The following GLIS3 variants were observed in gnomAD, a reference collection of about 807,000 sequenced individuals.
GLIS3 encodes the protein zinc finger protein GLIS3.
In GLIS3, 53 loss-of-function variants were observed where a neutral mutation model predicts 78.6. The ratio of observed to expected loss-of-function variants is 0.67; its 90% CI spans 0.54 to 0.85. The LOEUF (loss-of-function observed/expected upper bound fraction) is 0.85. Ranked by LOEUF, GLIS3 falls within the 40% of genes least tolerant of loss-of-function variation. The probability of loss-of-function intolerance (pLI) is 0.00; values close to 1 mark genes in which losing one functional copy is unlikely to be tolerated. For missense variants in GLIS3, 1,703 were observed against 1,231.1 expected (o/e 1.38, Z -5.74); for synonymous variants, 684 against 509.9 (o/e 1.34, Z -4.60).
In GLIS3 at chr9:4,186,075, G is replaced by A. The variant is rs533096057; in HGVS notation, c.389-60134C>T. On this transcript the variant is annotated intron_variant, in intron 2 of 10. Coordinates refer to ENST00000381971, the MANE Select transcript of GLIS3 (RefSeq NM_001042413.2). Reference sequence around the variant, plus strand: ...GCAGGTTAGTTACATATGTATACATGTGCCATGCTGGTGTGCTGCACACAT... The same window carrying A: ...GCAGGTTAGTTACATATGTATACATATGCCATGCTGGTGTGCTGCACACAT... Among the ~76,000 whole-genome samples, 6 of 151,802 alleles carry A rather than the reference G, an allele frequency of 4.0e-5. No homozygotes were observed. The South Asian group carries it at 8.4e-4, about 21-fold the overall frequency.
At chr9:4,314,576 G>A (rs982449625) in intron 2 of GLIS3, among the ~76,000 whole-genome samples, 1 of 152,242 alleles carries the variant, frequency 6.6e-6, no homozygotes, top group East Asian at 1.9e-4. Context: ...CACAGTGCAG[G>A]GTAAACCTCT....
chr9:4,446,300 A>G, the GLIS3 span, among the ~76,000 whole-genome samples: 3 of 152,154 alleles, frequency 2.0e-5, no homozygotes, highest in African/African-American at 7.2e-5. Context: ...GACTGCTTCC[A>G]TTATGTGAGG....
intron 8 of GLIS3, among the ~76,000 whole-genome samples, chr9:3,860,603 G>A (rs865783691): frequency 2.6e-5 from 4 of 152,134 alleles, no homozygotes; most frequent in Non-Finnish European, 2.9e-5. Flanking sequence ...AGTGGGAATG[G>A]CAGGAGAAGC....
At chr9:4,040,980 A>T (rs562082255) in intron 4 of GLIS3, among the ~76,000 whole-genome samples, 4 of 152,206 alleles carry the variant, frequency 2.6e-5, no homozygotes, top group Non-Finnish European at 4.4e-5. Flanking sequence ...CTTTCTCAAC[A>T]TTCTAATCCT....
chr9:4,393,679 T>G, the GLIS3 span, among the ~76,000 whole-genome samples: 4 of 152,328 alleles, frequency 2.6e-5, no homozygotes, highest in African/African-American at 9.6e-5. Flanking sequence ...TGGCTGATGT[T>G]TCCTTGTGAT....
intron 2 of GLIS3, among the ~76,000 whole-genome samples, chr9:4,338,994 C>G (rs1276366439): frequency 2.6e-5 from 4 of 152,170 alleles, no homozygotes; most frequent in African/African-American, 4.8e-5. Context: ...CAGGCTTACC[C>G]TTAAAACTAT....
intron 2 of GLIS3, among the ~76,000 whole-genome samples, chr9:4,318,244 G>A (rs561592594): frequency 1.3e-5 from 2 of 152,236 alleles, no homozygotes; most frequent in South Asian, 2.1e-4. Flanking sequence ...ATGGGAATTC[G>A]AGGGGCCAGG....
At chr9:4,280,576 A>C (rs1273085320) in intron 2 of GLIS3, among the ~76,000 whole-genome samples, 2 of 152,210 alleles carry the variant, frequency 1.3e-5, no homozygotes, top group Admixed American at 6.5e-5. Flanking sequence ...ACTTTAAAAA[A>C]TGATAAATTC....
At chr9:4,104,914 A>G (rs1209799701) in intron 4 of GLIS3, among the ~76,000 whole-genome samples, 1 of 152,222 alleles carries the variant, frequency 6.6e-6, no homozygotes, top group Non-Finnish European at 1.5e-5. Flanking sequence ...TGCTTAATAA[A>G]TAGTCAAATG....
At chr9:4,348,217 ATATT>A (rs1368337969) in intron 1 of GLIS3, 2 of 152,234 alleles carry the variant, frequency 1.3e-5, no homozygotes, top group African/African-American at 4.8e-5. Flanking sequence ...AAGCTGAAAT[ATATT>A]TCTTTCTTAC....
chr9:4,066,040 A>AC (rs71497515), intron 4 of GLIS3, among the ~76,000 whole-genome samples: 2 of 64,626 alleles, frequency 3.1e-5, no homozygotes, highest in African/African-American at 1.1e-4. Context: ...CAAAGAATAT[A>AC]AAAAAAAAAA....
chr9:4,225,398 G>A (rs1422072937), intron 2 of GLIS3, among the ~76,000 whole-genome samples: 1 of 152,164 alleles, frequency 6.6e-6, no homozygotes, highest in East Asian at 1.9e-4. Context: ...CAAGACACTG[G>A]AAAATTTTTT....
At chr9:3,844,249 T>A (rs924091472) in intron 9 of GLIS3, among the ~76,000 whole-genome samples, 4 of 152,230 alleles carry the variant, frequency 2.6e-5, no homozygotes, top group African/African-American at 9.6e-5. Context: ...GGAAGCTCCA[T>A]CTATAGCTGT....
chr9:4,461,862 A>G, the GLIS3 span, among the ~76,000 whole-genome samples: 1 of 152,216 alleles, frequency 6.6e-6, no homozygotes, highest in East Asian at 1.9e-4. Context: ...GTTGTCGTCA[A>G]GCTCTGCGAT....
the GLIS3 span, among the ~76,000 whole-genome samples, chr9:4,390,158 C>G: frequency 6.6e-6 from 1 of 152,332 alleles, no homozygotes; most frequent in South Asian, 2.1e-4. Context: ...GTTTGAAGAT[C>G]TCTGAAACAT....
intron 4 of GLIS3, among the ~76,000 whole-genome samples, chr9:3,991,290 T>G (rs1022139820): frequency 4.6e-5 from 7 of 152,186 alleles, no homozygotes; most frequent in Non-Finnish European, 8.8e-5. Flanking sequence ...TTTTGACTTT[T>G]ACTTTTACTT....
chr9:4,263,446 A>T (rs989418268), intron 2 of GLIS3, among the ~76,000 whole-genome samples: 1 of 152,192 alleles, frequency 6.6e-6, no homozygotes, highest in Non-Finnish European at 1.5e-5. Flanking sequence ...TGATAATCAT[A>T]TAATTTTGCC....
intron 2 of GLIS3, among the ~76,000 whole-genome samples, chr9:4,155,716 C>A (rs1835000946): frequency 6.6e-6 from 1 of 152,178 alleles, no homozygotes; most frequent in Admixed American, 6.5e-5. Flanking sequence ...CAGTTCTCCA[C>A]TTAAGTGTGC....
chr9:3,844,283 C>T (rs1818907230), intron 9 of GLIS3, among the ~76,000 whole-genome samples: 1 of 152,066 alleles, frequency 6.6e-6, no homozygotes, highest in Non-Finnish European at 1.5e-5. Context: ...TCTTCTAAAC[C>T]ATCAATTGTT....
Sources: gnomAD v4.1 joint callset for allele counts (sites outside exome capture counted in the v4.1 genomes callset) on GRCh38, gnomAD v4.1.1 for gene constraint, MANE v1.5 for transcripts, NCBI Gene and HGNC (gene_info 2026-07-23, HGNC 2026-07-21) for gene names.